ALK: variants seen among roughly 807,000 people sequenced by gnomAD.
ALK encodes the protein ALK tyrosine kinase receptor.
In ALK, 74 loss-of-function variants were observed where a neutral mutation model predicts 163.1. The ratio of observed to expected loss-of-function variants is 0.45; its 90% CI spans 0.38 to 0.55. The LOEUF is 0.55. Among genes scored for constraint, ALK ranks in the 20% least tolerant of loss-of-function variants. ALK has a pLI of 0.00. For synonymous variants in ALK, 960 were observed against 843.2 expected, an observed-to-expected ratio of 1.14 and a Z score of -2.40; for missense variants, 2,063 against 2,105.3, an observed-to-expected ratio of 0.98 and a Z score of 0.39.
chr2:29,758,005 C>CTTTT (rs1213067837), intron 1 of ALK, among the ~76,000 whole-genome samples: 12 of 104,986 alleles, frequency 1.1e-4, no homozygotes, highest in Non-Finnish European at 1.6e-4. Flanking sequence ...CCCGCATCCT[C>CTTTT]TTTTTTTTTT....
At chr2:29,802,067 T>C (rs1664480176) in intron 1 of ALK, among the ~76,000 whole-genome samples, 2 of 152,132 alleles carry the variant, frequency 1.3e-5, no homozygotes, top group African/African-American at 4.8e-5. Flanking sequence ...TCTGTTTAAA[T>C]GTTGACTTGG....
At chr2:29,837,885 G>A (rs1665600600) in intron 1 of ALK, among the ~76,000 whole-genome samples, 1 of 152,104 alleles carries the variant, frequency 6.6e-6, no homozygotes. Flanking sequence ...AATCAGAACT[G>A]ATAGAGAAGA....
chr2:29,584,542 C>T (rs1046971583), intron 3 of ALK, among the ~76,000 whole-genome samples: 2 of 152,106 alleles, frequency 1.3e-5, no homozygotes, highest in African/African-American at 4.8e-5. Context: ...ACAAGATATC[C>T]AAAAAATAGG....
intron 1 of ALK, among the ~76,000 whole-genome samples, chr2:29,890,210 T>C (rs1435689468): frequency 6.6e-6 from 1 of 152,178 alleles, no homozygotes; most frequent in Non-Finnish European, 1.5e-5. Flanking sequence ...CATGTGCCAC[T>C]AGAATGAAGG....
intron 4 of ALK, among the ~76,000 whole-genome samples, chr2:29,435,392 T>C (rs1196930408): frequency 6.6e-6 from 1 of 152,026 alleles, no homozygotes; most frequent in African/African-American, 2.4e-5. Context: ...TATGCCTCTG[T>C]CAGAGGCAGC....
intron 1 of ALK, among the ~76,000 whole-genome samples, chr2:29,794,375 C>G (rs1664256119): frequency 1.3e-5 from 2 of 152,094 alleles, no homozygotes; most frequent in South Asian, 4.1e-4. Context: ...TCTATACCAG[C>G]AATAAGGCTG....
intron 1 of ALK, among the ~76,000 whole-genome samples, chr2:29,765,772 G>T (rs1484016042): frequency 6.6e-6 from 1 of 152,062 alleles, no homozygotes; most frequent in Non-Finnish European, 1.5e-5. Context: ...TATACACAGT[G>T]GTGGGCTGGG....
intron 1 of ALK, among the ~76,000 whole-genome samples, chr2:29,837,200 G>A (rs746627532): frequency 6.6e-6 from 1 of 152,134 alleles, no homozygotes; most frequent in African/African-American, 2.4e-5. Context: ...ATAAGGTAAG[G>A]CATGGAATTG....
intron 26 of ALK, among the ~76,000 whole-genome samples, chr2:29,202,299 A>C (rs1359753678): frequency 3.9e-5 from 6 of 152,216 alleles, no homozygotes; most frequent in African/African-American, 1.4e-4. Context: ...TTGCCAAAAA[A>C]ACCCCAGCTC....
chr2:29,628,976 G>A (rs1393117599), intron 3 of ALK, among the ~76,000 whole-genome samples: 2 of 152,168 alleles, frequency 1.3e-5, no homozygotes, highest in African/African-American at 4.8e-5. Flanking sequence ...AGAAGATGCA[G>A]GGAACCAAAT....
At chr2:29,617,906 T>A (rs1675901775) in intron 3 of ALK, among the ~76,000 whole-genome samples, 1 of 152,150 alleles carries the variant, frequency 6.6e-6, no homozygotes, top group African/African-American at 2.4e-5. Flanking sequence ...AGTTCCTGGT[T>A]GGGAAGGCAG....
At chr2:29,621,427 C>G (rs1200409753) in intron 3 of ALK, among the ~76,000 whole-genome samples, 1 of 152,176 alleles carries the variant, frequency 6.6e-6, no homozygotes, top group Non-Finnish European at 1.5e-5. Flanking sequence ...CAGCCTCTGG[C>G]CATTGTCCTG....
intron 3 of ALK, among the ~76,000 whole-genome samples, chr2:29,600,559 A>G (rs982525346): frequency 2.0e-5 from 3 of 152,228 alleles, no homozygotes; most frequent in African/African-American, 7.2e-5. Flanking sequence ...TGAGAGAAAC[A>G]GATCCTAAGC....
At chr2:29,257,070 C>A (rs527396881) in intron 11 of ALK, among the ~76,000 whole-genome samples, 1 of 152,172 alleles carries the variant, frequency 6.6e-6, no homozygotes, top group African/African-American at 2.4e-5. Context: ...TAAAGGTCCC[C>A]ATATCTCCCC....
At chr2:29,268,620 T>A (rs1249195163) in intron 11 of ALK, among the ~76,000 whole-genome samples, 3 of 152,176 alleles carry the variant, frequency 2.0e-5, no homozygotes, top group African/African-American at 7.2e-5. Flanking sequence ...AAAGCAATGA[T>A]GTTGTCTGCA....
chr2:29,282,752 T>A (rs1310420600), intron 9 of ALK, among the ~76,000 whole-genome samples: 1 of 152,142 alleles, frequency 6.6e-6, no homozygotes, highest in African/African-American at 2.4e-5. Flanking sequence ...AAAATGAATT[T>A]TCAGCCAGGC....
intron 4 of ALK, among the ~76,000 whole-genome samples, chr2:29,443,686 C>G (rs1670600811): frequency 6.6e-6 from 1 of 152,182 alleles, no homozygotes; most frequent in African/African-American, 2.4e-5. Context: ...ATTAACCCAC[C>G]ACTGGCTCAC....
intron 1 of ALK, among the ~76,000 whole-genome samples, chr2:29,910,574 TA>T (rs35527502): frequency 6.6e-6 from 1 of 151,916 alleles, no homozygotes; most frequent in African/African-American, 2.4e-5. Flanking sequence ...AATCCTATGA[TA>T]AAAAGAAAAT....
At chr2:29,241,328 C>G (rs1306920681) in intron 12 of ALK, among the ~76,000 whole-genome samples, 1 of 152,110 alleles carries the variant, frequency 6.6e-6, no homozygotes, top group Non-Finnish European at 1.5e-5. Flanking sequence ...GCCCCTGTGC[C>G]CTCTCTGAGC....
Sources: gnomAD v4.1 joint callset for allele counts (sites outside exome capture counted in the v4.1 genomes callset) on GRCh38, gnomAD v4.1.1 for gene constraint, MANE v1.5 for transcripts, NCBI Gene and HGNC (gene_info 2026-07-23, HGNC 2026-07-21) for gene names.